The following POLR3G variants were observed in gnomAD, a reference collection of about 807,000 sequenced individuals.
POLR3G encodes RNA polymerase III subunit G.
In POLR3G, 28 loss-of-function variants were observed where a neutral mutation model predicts 30.1. The ratio of observed to expected loss-of-function variants is 0.93; its 90% confidence interval spans 0.69 to 1.27. The LOEUF (loss-of-function observed/expected upper bound fraction) is 1.27. Among genes scored for constraint, POLR3G ranks in the 50% most tolerant of loss-of-function variants. The pLI, the probability that POLR3G is intolerant of heterozygous loss-of-function variation, is 0.00. For missense variants in POLR3G, 254 were observed against 264.6 expected, an observed-to-expected ratio of 0.96 and a Z score of 0.28; for synonymous variants, 79 against 82.5, an observed-to-expected ratio of 0.96 and a Z score of 0.23.
chr5:90,508,471 A>C (rs1561259889), intron 7 of POLR3G, among the ~76,000 whole-genome samples: 1 of 151,748 alleles, frequency 6.6e-6, no homozygotes, highest in Non-Finnish European at 1.5e-5. Context: ...TCCATTCATG[A>C]ATGTTCATTT....
intron 1 of POLR3G, among the ~76,000 whole-genome samples, chr5:90,475,330 C>G (rs1195359043): frequency 6.6e-6 from 1 of 152,134 alleles, no homozygotes; most frequent in Admixed American, 6.5e-5. Flanking sequence ...TTTTTAGGCA[C>G]TAGTCATTGC....
intron 2 of POLR3G, among the ~76,000 whole-genome samples, chr5:90,487,361 T>G (rs1751491894): frequency 6.6e-6 from 1 of 150,658 alleles, no homozygotes; most frequent in South Asian, 2.1e-4. Flanking sequence ...GTTTTTCTTT[T>G]TTTTTTTGGT....
intron 3 of POLR3G, among the ~76,000 whole-genome samples, chr5:90,493,835 G>A (rs943563576): frequency 2.0e-5 from 3 of 150,952 alleles, no homozygotes; most frequent in African/African-American, 7.3e-5. Flanking sequence ...AGTCTCCCAA[G>A]TAGCTGGGAT....
chr5:90,487,406 T>G (rs1422570494), intron 2 of POLR3G, among the ~76,000 whole-genome samples: 17 of 142,958 alleles, frequency 1.2e-4, no homozygotes, highest in African/African-American at 4.5e-4. Context: ...TTTTTTTTTT[T>G]TGTGAGACGG....
chr5:90,498,328 CA>C (rs1389933979), intron 5 of POLR3G, among the ~76,000 whole-genome samples: 2 of 151,462 alleles, frequency 1.3e-5, no homozygotes, highest in African/African-American at 4.9e-5. Context: ...ATTTTAGATA[CA>C]GGGGTACATG....
chr5:90,476,363 G>C (rs1222680136), intron 1 of POLR3G, among the ~76,000 whole-genome samples: 2 of 152,202 alleles, frequency 1.3e-5, no homozygotes, highest in African/African-American at 4.8e-5. Flanking sequence ...TTTGAGGGAA[G>C]ATAATGTCTG....
intron 2 of POLR3G, 140 bp from the exon 3 acceptor site, chr5:90,487,857 TTCA>T: frequency 3.4e-6 from 2 of 594,884 alleles, no homozygotes; most frequent in African/African-American, 3.8e-5. Context: ...ACTACAGAAG[TTCA>T]TCTTTTAAGT....
chr5:90,502,764 T>C (rs1490846019), intron 6 of POLR3G, among the ~76,000 whole-genome samples: 1 of 151,796 alleles, frequency 6.6e-6, no homozygotes, highest in African/African-American at 2.4e-5. Context: ...ATACCTTGGA[T>C]GTGGTTCCAT....
At chr5:90,506,748 T>G (rs1752504318) in intron 7 of POLR3G, 74 bp downstream of exon 7, 1 of 1,425,272 alleles carries the variant, frequency 7.0e-7, no homozygotes, top group African/African-American at 1.4e-5. Context: ...AGAGTATGTA[T>G]TGAAATCAAT....
intron 6 of POLR3G, among the ~76,000 whole-genome samples, chr5:90,505,230 G>A (rs1317491776): frequency 6.6e-6 from 1 of 152,188 alleles, no homozygotes; most frequent in South Asian, 2.1e-4. Context: ...TAGAGATGGA[G>A]TGTTTGCAGA....
intron 1 of POLR3G, among the ~76,000 whole-genome samples, chr5:90,484,162 A>G (rs1751291824): frequency 6.6e-6 from 1 of 152,194 alleles, no homozygotes; most frequent in Admixed American, 6.5e-5. Context: ...AGAACTTAGC[A>G]TACATAGAAT....
chr5:90,474,292 T>A, upstream of POLR3G: 2 of 1,612,790 alleles, frequency 1.2e-6, no homozygotes, highest in Non-Finnish European at 1.7e-6. Context: ...AGCGCCGACA[T>A]GCTGGGCAGG....
At chr5:90,486,213 T>G (rs1346421708) in intron 2 of POLR3G, among the ~76,000 whole-genome samples, 1 of 152,204 alleles carries the variant, frequency 6.6e-6, no homozygotes, top group Non-Finnish European at 1.5e-5. Context: ...TATGTTTAGT[T>G]TAGAATGTAT....
upstream of POLR3G, chr5:90,474,487 T>A: frequency 1.7e-6 from 1 of 592,538 alleles, no homozygotes; most frequent in South Asian, 2.1e-5. Flanking sequence ...GCCCGTAGCG[T>A]GCGCTCCCGC....
At chr5:90,504,206 A>G (rs1461836896) in intron 6 of POLR3G, among the ~76,000 whole-genome samples, 1 of 151,998 alleles carries the variant, frequency 6.6e-6, no homozygotes, top group Non-Finnish European at 1.5e-5. Context: ...TATTTGAGGT[A>G]GCAATAATAG....
At chr5:90,500,830 C>T (rs1332974546) in intron 5 of POLR3G, among the ~76,000 whole-genome samples, 1 of 152,092 alleles carries the variant, frequency 6.6e-6, no homozygotes, top group Non-Finnish European at 1.5e-5. Context: ...TTCTGAGCCA[C>T]ATTTTCCTCT....
intron 6 of POLR3G, 142 bp from the exon 7 acceptor site, chr5:90,506,386 C>T (rs1752485231): frequency 3.4e-6 from 4 of 1,165,956 alleles, no homozygotes; most frequent in Non-Finnish European, 2.3e-6. Context: ...TGAGTTGACT[C>T]ATAGTTTCCT....
intron 6 of POLR3G, among the ~76,000 whole-genome samples, chr5:90,502,566 A>G (rs946403951): frequency 6.6e-6 from 1 of 152,152 alleles, no homozygotes; most frequent in Non-Finnish European, 1.5e-5. Flanking sequence ...AGTTTAAAAC[A>G]CTGAAAATTT....
intron 3 of POLR3G, among the ~76,000 whole-genome samples, chr5:90,494,551 A>G (rs748346265): frequency 6.7e-6 from 1 of 150,070 alleles, no homozygotes; most frequent in Admixed American, 6.7e-5. Context: ...CCTTGCCAAC[A>G]TTTCTTATTT....
Sources: allele counts gnomAD v4.1 joint callset (sites outside exome capture counted in the v4.1 genomes callset), GRCh38; gene constraint gnomAD v4.1.1; transcripts MANE v1.5; gene names NCBI Gene and HGNC (gene_info 2026-07-23, HGNC 2026-07-21).